CRABP1: variants seen among roughly 807,000 people sequenced by gnomAD.
CRABP1 encodes the protein cellular retinoic acid binding protein 1, also known as cellular retinoic acid-binding protein 1.
CRABP1 carries 9 observed loss-of-function variants against 16.4 expected under a neutral mutation model. That is an observed-to-expected ratio of 0.55 (90% confidence interval 0.33 to 0.96). The LOEUF is 0.96. Ranked by LOEUF, CRABP1 falls within the 40% of genes least tolerant of loss-of-function variation. CRABP1 has a pLI of 0.03. For synonymous variants in CRABP1, 72 were observed against 70.4 expected (o/e 1.02, Z -0.11); for missense variants, 157 against 186.0 (o/e 0.84, Z 0.91).
chr15:78,346,274 A>G (rs1020466103), intron 3 of CRABP1, among the ~76,000 whole-genome samples: 2 of 152,202 alleles, frequency 1.3e-5, no homozygotes, highest in Non-Finnish European at 2.9e-5. Context: ...ACCCCCTAGC[A>G]TGCAGAATCA....
chr15:78,347,198 A>G (rs1415420130), intron 3 of CRABP1, among the ~76,000 whole-genome samples: 1 of 152,078 alleles, frequency 6.6e-6, no homozygotes, highest in East Asian at 1.9e-4. Context: ...AAACAAACTA[A>G]GAGCCATAGA....
chr15:78,341,335 G>A lies in CRABP1; in HGVS notation c.249+114G>A, dbSNP rs1264053881. ...CAGCCTGTGGCGCGCCTTCCTTGCA[G>A]GGTGTGTACACTGGCTGTTTGCAGA... On this transcript the variant is annotated intron_variant, in intron 2 of 3. Coordinates refer to ENST00000299529, the MANE Select transcript of CRABP1 (RefSeq NM_004378.3). The surrounding 1 kb of genome is among the most constrained non-coding windows in gnomAD (Gnocchi z 5.3). The A allele has an allele frequency of 8.1e-7, 1 of 1,242,196 alleles. No homozygotes were observed. The highest frequency in any genetic ancestry group is 1.3e-5 in the South Asian group (1 of 77,022). 76.9% of individuals were successfully genotyped at this position (1,242,196 alleles called of 1,614,324 possible).
chr15:78,343,362 G>A (rs998625148), intron 2 of CRABP1, 137 bp from the exon 3 acceptor site: 12 of 687,512 alleles, frequency 1.7e-5, no homozygotes, highest in South Asian at 5.6e-5. Context: ...AAGGCTCAGC[G>A]GAGAAGAATC....
At chr15:78,345,618 C>T (rs1390081199) in intron 3 of CRABP1, among the ~76,000 whole-genome samples, 1 of 152,162 alleles carries the variant, frequency 6.6e-6, no homozygotes, top group Non-Finnish European at 1.5e-5. Flanking sequence ...CAGCTGGAGT[C>T]ACAGGCCAAA....
At chr15:78,347,369 A>G (rs920377527) in intron 3 of CRABP1, among the ~76,000 whole-genome samples, 1 of 152,190 alleles carries the variant, frequency 6.6e-6, no homozygotes, top group Non-Finnish European at 1.5e-5. Flanking sequence ...TTGGATGCCA[A>G]TGCTGTGCTT....
intron 3 of CRABP1, among the ~76,000 whole-genome samples, chr15:78,346,935 A>G (rs1595956494): frequency 6.6e-6 from 1 of 152,086 alleles, no homozygotes; most frequent in East Asian, 1.9e-4. Context: ...TTTGCAAACA[A>G]ACATACTCAC....
chr15:78,343,276 AGTGT>A (rs141389093), intron 2 of CRABP1, among the ~76,000 whole-genome samples: 4 of 151,624 alleles, frequency 2.6e-5, no homozygotes, highest in Admixed American at 6.6e-5. Context: ...TGTGCTTGTG[AGTGT>A]GTGTGTGTGT....
At chr15:78,343,229 C>A (rs1248960012) in intron 2 of CRABP1, among the ~76,000 whole-genome samples, 1 of 152,104 alleles carries the variant, frequency 6.6e-6, no homozygotes, top group African/African-American at 2.4e-5. Flanking sequence ...GTAAAGCATG[C>A]CTAAGGCCTC....
chr15:78,344,528 G>T (rs1036521449), intron 3 of CRABP1, among the ~76,000 whole-genome samples: 1 of 151,948 alleles, frequency 6.6e-6, no homozygotes, highest in Admixed American at 6.6e-5. Flanking sequence ...TACCTAGTGA[G>T]GCCAAATTAG....
At chr15:78,343,955 G>A (rs564849632) in intron 3 of CRABP1, among the ~76,000 whole-genome samples, 15 of 152,266 alleles carry the variant, frequency 9.9e-5, no homozygotes, top group African/African-American at 2.2e-4. Flanking sequence ...AGGTCCCCAC[G>A]CTCACATGGC....
chr15:78,345,471 GA>G lies in CRABP1; in HGVS notation c.363+1863del, dbSNP rs544758990. 1.6e-4 allele frequency among the ~76,000 whole-genome samples: 25 copies of G among 152,320 alleles called. No individual in the cohort carries two copies. The South Asian group carries it at 4.1e-3, about 25-fold the overall frequency. Reference sequence around the variant, plus strand: ...GAGGCTGAGACATGGAAATTTAGGAGAAAAGGCGTATATGGTTTACTGGTAC... The same window carrying G: ...GAGGCTGAGACATGGAAATTTAGGAGAAAGGCGTATATGGTTTACTGGTAC... On this transcript the variant is annotated intron_variant, in intron 3 of 3. Coordinates refer to ENST00000299529, the MANE Select transcript of CRABP1 (RefSeq NM_004378.3).
rs2050246583 is a variant in CRABP1 at position 78,343,444 on chromosome 15, C to CT, written c.250-54dup. 3 of 1,368,308 alleles carry CT rather than the reference C, an allele frequency of 2.2e-6. No homozygotes were observed. In the South Asian group the frequency reaches 3.5e-5, roughly 16 times the overall value. 84.8% of individuals were successfully genotyped at this position (1,368,308 alleles called of 1,614,324 possible). On this transcript the variant is annotated intron_variant, in intron 2 of 3. Transcript: ENST00000299529. ...TATTTTTCAATGCTCATTGTTGTCCCTGCTCCCGCTGCTGAGACTCTAATT... is the reference window on the plus strand; with the variant it reads ...TATTTTTCAATGCTCATTGTTGTCCCTTGCTCCCGCTGCTGAGACTCTAATT...
chr15:78,343,663 C>T (rs771554550), intron 3 of CRABP1, 51 bp downstream of exon 3: 1 of 1,354,836 alleles, frequency 7.4e-7, no homozygotes, highest in South Asian at 1.2e-5. Context: ...CAGAGGGGGC[C>T]CCAGATGGGC....
In CRABP1 at chr15:78,341,399, A is replaced by C; in HGVS notation, c.249+178A>C. 1 of 698,448 alleles carries C rather than the reference A, an allele frequency of 1.4e-6. No individual in the cohort carries two copies. The highest frequency in any genetic ancestry group is 2.6e-6 in the Non-Finnish European group (1 of 392,144). The allele number at this position is 698,448 out of a possible 1,614,324, so 43.3% of individuals were successfully genotyped here. ...TCCTAGTTGCCCCTGGCTCAAGACA[A>C]AGTATTACCTTCATTCCATCTCAAC... is the stretch of plus-strand genomic sequence containing the variant. On this transcript the variant is annotated intron_variant, in intron 2 of 3. Transcript: ENST00000299529. The surrounding 1 kb of genome is among the most constrained non-coding windows in gnomAD (Gnocchi z 5.3).
At position 78,340,503 on chromosome 15, in the gene CRABP1, G is replaced by A. The variant is rs1258227562; in HGVS notation, c.70+5G>A. 1 of 1,606,900 alleles carries A rather than the reference G, an allele frequency of 6.2e-7. No homozygotes were observed. ...ACGAGCTGCTCAAGGCACTGGGTAA[G>A]CTGGTGCAGAGGGCGCGCCCCGACG... is the stretch of plus-strand genomic sequence containing the variant. On this transcript the variant is annotated splice_donor_5th_base_variant and intron_variant, in intron 1 of 3. Transcript: ENST00000299529.
At chr15:78,347,694 G>A (rs922839894) in intron 3 of CRABP1, 1 of 437,778 alleles carries the variant, frequency 2.3e-6, no homozygotes, top group Non-Finnish European at 4.0e-6. Flanking sequence ...GGTTCCATAA[G>A]CAAAGGAAAA....
rs529613378 is a variant in CRABP1 at position 78,343,114 on chromosome 15, C to CA, written c.250-375dup. Among the ~76,000 whole-genome samples, 676 of 147,012 alleles carry CA rather than the reference C, an allele frequency of 4.6e-3. 9 individuals are homozygous for CA. Among genetic ancestry groups the CA allele is most frequent in the African/African-American group, 0.014 (571 of 39,928 alleles). Reference sequence around the variant, plus strand: ...TGGGCAACAGAGCGAGACTCCATCTCAAAAAAAAAATGAATAAAAATAAAT... The same window carrying CA: ...TGGGCAACAGAGCGAGACTCCATCTCAAAAAAAAAAATGAATAAAAATAAAT... On this transcript the variant is annotated intron_variant, in intron 2 of 3. Coordinates refer to ENST00000299529, the MANE Select transcript of CRABP1 (RefSeq NM_004378.3).
In CRABP1 at chr15:78,341,071, C is replaced by A; in HGVS notation, c.99C>A (p.Ala33=). The A allele has an allele frequency of 6.2e-7, 1 of 1,610,514 alleles. No individual in the cohort carries two copies. Among genetic ancestry groups the A allele is most frequent in the Non-Finnish European group, 8.5e-7 (1 of 1,179,824 alleles). Residue 33 remains alanine (A), a synonymous_variant, in exon 2 of 4, where the codon GCC becomes GCA. Transcript: ENST00000299529. The surrounding 1 kb of genome is among the most constrained non-coding windows in gnomAD (Gnocchi z 5.3). ...LGVNAMLRKV[A]VAAASKPHVE... The stretch of plus-strand genomic sequence containing the variant: ...TGAACGCCATGCTGAGGAAAGTGGC[C>A]GTAGCGGCTGCGTCCAAGCCGCACG...
At chr15:78,343,825 A>G (rs375860247) in intron 3 of CRABP1, among the ~76,000 whole-genome samples, 39 of 152,342 alleles carry the variant, frequency 2.6e-4, no homozygotes, top group African/African-American at 9.4e-4. Flanking sequence ...CAGAGGATGG[A>G]ATAGGGGCTG....
Sources: allele counts gnomAD v4.1 joint callset (sites outside exome capture counted in the v4.1 genomes callset), GRCh38; gene constraint gnomAD v4.1.1; non-coding constraint Gnocchi (gnomAD v3.1); transcripts MANE v1.5; gene names NCBI Gene and HGNC (gene_info 2026-07-23, HGNC 2026-07-21).